RASA2: variants seen among roughly 807,000 people sequenced by gnomAD.
RASA2 encodes the protein RAS p21 protein activator 2.
A neutral mutation model predicts 118.2 loss-of-function variants in RASA2; 155 were observed. The ratio of observed to expected loss-of-function variants is 1.31; its 90% CI spans 1.15 to 1.50. RASA2 has a LOEUF of 1.50. Among genes scored for constraint, RASA2 ranks in the 40% most tolerant of loss-of-function variants. The pLI, the probability that RASA2 is intolerant of heterozygous loss-of-function variation, is 0.00. For missense variants in RASA2, 1,016 were observed against 1,009.6 expected (o/e 1.01, Z -0.09); for synonymous variants, 353 against 349.1 (o/e 1.01, Z -0.12).
Position 141,529,347 on chromosome 3 carries a change from A to T in RASA2, c.356-361A>T, listed in dbSNP as rs184023965. Among the ~76,000 whole-genome samples the T allele has an allele frequency of 2.4e-4, 36 of 152,232 alleles. No individual in the cohort carries two copies. In the East Asian group the frequency reaches 6.2e-3, roughly 26 times the overall value. ...TGTCATTTGTTCTTAGGGTCAAAAA[A>T]TTGGGAAGATTAGTTTGCACTACCA... is the stretch of plus-strand genomic sequence containing the variant. On this transcript the variant is annotated intron_variant, in intron 3 of 23. Transcript: ENST00000286364.
intron 1 of RASA2, among the ~76,000 whole-genome samples, chr3:141,506,220 G>A (rs1336935189): frequency 1.3e-5 from 2 of 152,216 alleles, no homozygotes; most frequent in East Asian, 3.9e-4. Context: ...CTTCGTAGAG[G>A]AACAGTTGGT....
Position 141,529,701 on chromosome 3 carries a change from T to G in RASA2, c.356-7T>G. The G allele has an allele frequency of 6.3e-7, 1 of 1,597,610 alleles. No homozygotes were observed. Among genetic ancestry groups the G allele is most frequent in the Non-Finnish European group, 8.6e-7 (1 of 1,166,226 alleles). ...TTTTCTTATATTGTTTTACTTATTT[T>G]CTGTAGGAAAAGTAGCCATCAAAAA... On this transcript the variant is annotated splice_region_variant and splice_polypyrimidine_tract_variant and intron_variant, in intron 3 of 23. Transcript: ENST00000286364.
intron 19 of RASA2, among the ~76,000 whole-genome samples, chr3:141,604,855 T>C (rs539312810): frequency 5.9e-5 from 9 of 151,948 alleles, no homozygotes; most frequent in Admixed American, 5.2e-4. Flanking sequence ...TGTATACATA[T>C]GTAACAAACC....
chr3:141,544,552 T>A (rs916211234), intron 5 of RASA2, among the ~76,000 whole-genome samples: 1 of 152,226 alleles, frequency 6.6e-6, no homozygotes, highest in African/African-American at 2.4e-5. Flanking sequence ...TCTGTTTAGC[T>A]TATCTGTTGA....
In RASA2 at chr3:141,512,219, T is replaced by C. The variant is rs1383689564; in HGVS notation, c.190T>C (p.Cys64Arg). 4 of 1,602,558 alleles carry C rather than the reference T, an allele frequency of 2.5e-6. No individual in the cohort carries two copies. Among genetic ancestry groups the C allele is most frequent in the Non-Finnish European group, 3.4e-6 (4 of 1,177,224 alleles). Reference sequence around the variant, plus strand: ...ACCCCACAAAATGAGAGATTGTTTCTGTACCATAAATTTGGACCAGGAAGA... The same window carrying C: ...ACCCCACAAAATGAGAGATTGTTTCCGTACCATAAATTTGGACCAGGAAGA... ...LGPHKMRDCF[C>R]TINLDQEEVY... The change falls in exon 2 of 24, where the codon TGT (cysteine) becomes CGT (arginine). Residue 64 changes from cysteine (C) to arginine (R), a missense_variant. Coordinates refer to ENST00000286364, the MANE Select transcript of RASA2 (RefSeq NM_006506.5).
chr3:141,571,370 G>A, intron 10 of RASA2, 36 bp from the exon 11 acceptor site: 1 of 1,594,888 alleles, frequency 6.3e-7, no homozygotes, highest in South Asian at 1.1e-5. Context: ...ATGTTTCCTT[G>A]ATGTTTGTGC....
intron 3 of RASA2, among the ~76,000 whole-genome samples, chr3:141,520,327 A>T (rs2082092934): frequency 6.6e-6 from 1 of 152,070 alleles, no homozygotes; most frequent in Non-Finnish European, 1.5e-5. Context: ...AACAGTTTCA[A>T]GGTGACAGGG....
rs113061703 is a variant in RASA2 at position 141,515,031 on chromosome 3, G to A, written c.252-1297G>A. Among the ~76,000 whole-genome samples, 965 of 152,236 alleles carry A rather than the reference G, an allele frequency of 6.3e-3. 12 individuals carry two copies. Among genetic ancestry groups the A allele is most frequent in the African/African-American group, 0.022 (927 of 41,522 alleles). ...AAGGAGAGGCATAAGAGAACTTTCT[G>A]GGGAGATAGCAGTGTCCTTTATTTT... On this transcript the variant is annotated intron_variant, in intron 2 of 23. Transcript: ENST00000286364.
chr3:141,612,997 A>G lies in RASA2; in HGVS notation c.*684A>G, dbSNP rs1456312713. ...TTACATTTGGGATCAGTGATGGCAA[A>G]AGAAGTAATGAGACCACTGAAATTG... On this transcript the variant is annotated 3_prime_UTR_variant, in exon 24 of 24. Transcript: ENST00000286364. 1 of 152,240 alleles carries G rather than the reference A, an allele frequency of 6.6e-6. No individual in the cohort carries two copies. The highest frequency in any genetic ancestry group is 1.5e-5 in the Non-Finnish European group (1 of 68,044). 9.4% of individuals were successfully genotyped at this position (152,240 alleles called of 1,614,324 possible).
intron 9 of RASA2, among the ~76,000 whole-genome samples, chr3:141,567,228 C>A (rs1206562134): frequency 6.6e-6 from 1 of 151,988 alleles, no homozygotes; most frequent in Admixed American, 6.6e-5. Flanking sequence ...CCAGCCTGGC[C>A]AACATAGTGA....
At position 141,614,598 on chromosome 3, in the gene RASA2, A is replaced by T. The variant is rs1296023531; in HGVS notation, c.*2285A>T. On this transcript the variant is annotated 3_prime_UTR_variant, in exon 24 of 24. Coordinates refer to ENST00000286364, the MANE Select transcript of RASA2 (RefSeq NM_006506.5). ...AAAACTCCAGGAAGGAAAGAAAAGG[A>T]TGATATGGGGAAATTTGCCATAAAT... 2 of 152,212 alleles carry T rather than the reference A, an allele frequency of 1.3e-5. No homozygotes were observed. Among genetic ancestry groups the T allele is most frequent in the African/African-American group, 2.4e-5 (1 of 41,460 alleles). 9.4% of individuals were successfully genotyped at this position (152,212 alleles called of 1,614,324 possible).
chr3:141,593,567 A>G (rs2083318329), intron 19 of RASA2, among the ~76,000 whole-genome samples: 1 of 152,186 alleles, frequency 6.6e-6, no homozygotes, highest in African/African-American at 2.4e-5. Context: ...TTAAACCGCT[A>G]ATGCAAGAGG....
intron 4 of RASA2, among the ~76,000 whole-genome samples, chr3:141,540,235 T>G (rs1175352496): frequency 6.6e-6 from 1 of 152,218 alleles, no homozygotes; most frequent in Non-Finnish European, 1.5e-5. Flanking sequence ...CAAAATTTCC[T>G]TAAATTTAGG....
chr3:141,598,044 T>C (rs2083403024), intron 19 of RASA2, among the ~76,000 whole-genome samples: 1 of 152,194 alleles, frequency 6.6e-6, no homozygotes, highest in African/African-American at 2.4e-5. Flanking sequence ...CCTGTATCTC[T>C]GCTTGTGATG....
At chr3:141,535,997 G>A (rs1390543576) in intron 4 of RASA2, among the ~76,000 whole-genome samples, 1 of 152,182 alleles carries the variant, frequency 6.6e-6, no homozygotes, top group East Asian at 1.9e-4. Flanking sequence ...AAGAATATAT[G>A]TAATACACAA....
rs544843686 is a variant in RASA2, at chr3:141,569,778, C to G, written c.864-1134C>G. Among the ~76,000 whole-genome samples the G allele has an allele frequency of 8.5e-5, 13 of 152,090 alleles. No individual in the cohort carries two copies. In the South Asian group the frequency reaches 2.3e-3, roughly 27 times the overall value. On this transcript the variant is annotated intron_variant, in intron 9 of 23. Coordinates refer to ENST00000286364, the MANE Select transcript of RASA2 (RefSeq NM_006506.5). ...CGGATGGTTTTTTCAATCCCTACCC[C>G]CCTATCTCCCTCCCCACTTTTGGAA...
chr3:141,572,522 CTTCT>C (rs1560041960), intron 11 of RASA2, 83 bp from the exon 12 acceptor site: 2 of 911,286 alleles, frequency 2.2e-6, no homozygotes, highest in Non-Finnish European at 3.6e-6. Flanking sequence ...CAGCTAAATG[CTTCT>C]TTCTTAAATT....
intron 1 of RASA2, among the ~76,000 whole-genome samples, chr3:141,492,756 T>C (rs1404828343): frequency 6.6e-6 from 1 of 152,250 alleles, no homozygotes; most frequent in African/African-American, 2.4e-5. Flanking sequence ...GATTCACTGT[T>C]TTAAAAATAT....
chr3:141,594,140 G>A (rs188609079), intron 19 of RASA2, among the ~76,000 whole-genome samples: 1,887 of 152,238 alleles, frequency 0.012, 21 homozygotes, highest in Non-Finnish European at 0.02. Flanking sequence ...TTCTAGAATT[G>A]AAAAGCACGA....
Sources: allele counts gnomAD v4.1 joint callset (sites outside exome capture counted in the v4.1 genomes callset), GRCh38; gene constraint gnomAD v4.1.1; transcripts MANE v1.5; gene names NCBI Gene and HGNC (gene_info 2026-07-23, HGNC 2026-07-21).